The following MYO18A variants were observed in gnomAD, a reference collection of about 807,000 sequenced individuals.
MYO18A encodes the protein myosin XVIIIA.
Under a neutral mutation model 235.8 loss-of-function variants are expected in MYO18A, and 78 were observed. The observed-to-expected ratio is 0.33, with a 90% confidence interval of 0.28 to 0.40. The LOEUF is 0.40. MYO18A is among the 10% of genes least tolerant of loss of function. The pLI is 1.00. For synonymous variants in MYO18A, 977 were observed against 1,077.8 expected (o/e 0.91, Z 1.83); for missense variants, 2,215 against 2,699.3 (o/e 0.82, Z 3.98).
Position 29,106,108 on chromosome 17 carries a change from C to G in MYO18A, c.3441+972G>C, listed in dbSNP as rs947322471. The stretch of plus-strand genomic sequence containing the variant: ...GAGGGGAAGAGAGGAGTGGGACCAG[C>G]AGGCACGAGGCTGTGGTCAGAGAAG... On this transcript the variant is annotated intron_variant, in intron 20 of 41. Transcript: ENST00000527372. The surrounding 1 kb of genome is among the most constrained non-coding windows in gnomAD (Gnocchi z 4.6). Among the ~76,000 whole-genome samples the G allele has an allele frequency of 7.9e-5, 12 of 152,182 alleles. No individual in the cohort carries two copies. The highest frequency in any genetic ancestry group is 2.4e-4 in the African/African-American group (10 of 41,438).
intron 41 of MYO18A, chr17:29,080,022 G>A (rs988670244): frequency 3.0e-6 from 3 of 985,666 alleles, no homozygotes; most frequent in Non-Finnish European, 3.6e-6. Flanking sequence ...CTTCGGAGCC[G>A]GAGCTGGAGC....
chr17:29,147,346 A>G (rs925649009), intron 2 of MYO18A, among the ~76,000 whole-genome samples: 7 of 150,942 alleles, frequency 4.6e-5, no homozygotes, highest in Admixed American at 1.3e-4. Context: ...GCAAAATCCC[A>G]TCTCTACAAA....
chr17:29,095,005 C>T lies in MYO18A; in HGVS notation c.4440G>A (p.Gln1480=), dbSNP rs756700488. 4 of 1,584,730 alleles carry T rather than the reference C, an allele frequency of 2.5e-6. No individual in the cohort carries two copies. The highest frequency in any genetic ancestry group is 2.6e-6 in the Non-Finnish European group (3 of 1,164,422). The change falls in exon 29 of 42, where the codon CAG becomes CAA. Residue 1480 remains glutamine (Q), a synonymous_variant. Transcript: ENST00000527372. The part of the protein sequence containing the change: ...AHEEAQREKL[Q]REKLQREKDM... Reference sequence around the variant, plus strand: ...CCTTCTCCCGCTGCAGCTTCTCCCGCTGCAGCTTCTCCCGCTGGGCCTCCT... The same window carrying T: ...CCTTCTCCCGCTGCAGCTTCTCCCGTTGCAGCTTCTCCCGCTGGGCCTCCT...
At chr17:29,136,184 G>A (rs569373854) in intron 2 of MYO18A, among the ~76,000 whole-genome samples, 69 of 145,304 alleles carry the variant, frequency 4.7e-4, no homozygotes, top group Non-Finnish European at 8.3e-4. Flanking sequence ...AGCAGAGATC[G>A]CAATACTGCA....
chr17:29,102,725 G>C (rs2066684957), intron 21 of MYO18A, among the ~76,000 whole-genome samples: 1 of 152,188 alleles, frequency 6.6e-6, no homozygotes, highest in Non-Finnish European at 1.5e-5. Flanking sequence ...AGAGACGAAG[G>C]GCAGGAGGAG....
intron 2 of MYO18A, among the ~76,000 whole-genome samples, chr17:29,157,062 A>G (rs1287128124): frequency 6.6e-6 from 1 of 152,226 alleles, no homozygotes; most frequent in Non-Finnish European, 1.5e-5. Flanking sequence ...TGTCACCCCA[A>G]GTGCTATGGA....
In MYO18A at chr17:29,094,108, A is replaced by T; in HGVS notation, c.4711-18T>A. 1 of 1,580,576 alleles carries T rather than the reference A, an allele frequency of 6.3e-7. No homozygotes were observed. Among genetic ancestry groups the T allele is most frequent in the Non-Finnish European group, 8.6e-7 (1 of 1,161,196 alleles). On this transcript the variant is annotated intron_variant, in intron 30 of 41. Transcript: ENST00000527372. ...AGCTTGGCCTGGAGGTGGTTGGAGT[A>T]GGGTCTGGGTTCCCTCCCCAGCTGT...
rs569353616 is a variant in MYO18A at position 29,071,966 on chromosome 17, A to G, written c.*2804T>C. 154 of 152,302 alleles carry G rather than the reference A, an allele frequency of 1.0e-3. No individual in the cohort carries two copies. The highest frequency in any genetic ancestry group is 3.5e-3 in the African/African-American group (145 of 41,548). The allele number at this position is 152,302 out of a possible 1,614,324, so 9.4% of individuals were successfully genotyped here. ...TATTTCTCAACTGTTAAGCAAATGA[A>G]TATGTTTTCTGACTTGAACAAAGCT... On this transcript the variant is annotated 3_prime_UTR_variant, in exon 42 of 42. Coordinates refer to ENST00000527372, the MANE Select transcript of MYO18A (RefSeq NM_078471.4).
intron 11 of MYO18A, 135 bp downstream of exon 11, chr17:29,116,309 C>A: frequency 1.0e-6 from 1 of 961,910 alleles, no homozygotes; most frequent in Non-Finnish European, 1.7e-6. Context: ...ACCACAAACA[C>A]CCACTGATGG....
At chr17:29,152,983 G>T (rs1289956509) in intron 2 of MYO18A, among the ~76,000 whole-genome samples, 1 of 152,126 alleles carries the variant, frequency 6.6e-6, no homozygotes, top group Non-Finnish European at 1.5e-5. Flanking sequence ...CCAAAGCACT[G>T]GGATTACAGG....
At chr17:29,164,022 T>A (rs895661246) in intron 2 of MYO18A, among the ~76,000 whole-genome samples, 1 of 152,250 alleles carries the variant, frequency 6.6e-6, no homozygotes. Context: ...CCTGAGTAGC[T>A]GGGATTACAG....
chr17:29,083,522 G>GCACACACACACACACACACACA lies in MYO18A; in HGVS notation c.5898-1085_5898-1084insTGTGTGTGTGTGTGTGTGTGTG, dbSNP rs1555622320. On this transcript the variant is annotated intron_variant, in intron 40 of 41. Transcript: ENST00000527372. ...AATAAACAGCCACACAGGCATGTGT[G>GCACACACACACACACACACACA]CGCGCGCGCGCACACACACACACAC... 6.8e-4 allele frequency among the ~76,000 whole-genome samples: 85 copies of GCACACACACACACACACACACA among 125,010 alleles called. 1 individual carries two copies. Among genetic ancestry groups the GCACACACACACACACACACACA allele is most frequent in the East Asian group, 4.5e-3 (19 of 4,178 alleles). 82.0% of individuals were successfully genotyped at this position (125,010 alleles called of 152,430 possible).
Position 29,111,896 on chromosome 17 carries a change from T to G in MYO18A, c.2599-33A>C. The G allele has an allele frequency of 1.9e-6, 3 of 1,594,260 alleles. No homozygotes were observed. Among genetic ancestry groups the G allele is most frequent in the Non-Finnish European group, 2.6e-6 (3 of 1,169,638 alleles). On this transcript the variant is annotated intron_variant, in intron 15 of 41. Coordinates refer to ENST00000527372, the MANE Select transcript of MYO18A (RefSeq NM_078471.4). The surrounding 1 kb of genome is among the most constrained non-coding windows in gnomAD (Gnocchi z 5.1). Reference sequence around the variant, plus strand: ...GAAGGAAGGAAATCCCTCCTTGTCATATGGAGCTGTGGGAAAGGGGCCAGG... The same window carrying G: ...GAAGGAAGGAAATCCCTCCTTGTCAGATGGAGCTGTGGGAAAGGGGCCAGG...
Position 29,166,489 on chromosome 17 carries a change from G to A in MYO18A, c.452C>T (p.Ser151Leu), listed in dbSNP as rs1284721523. 6.2e-7 allele frequency: 1 copy of A among 1,613,660 alleles called. No homozygotes were observed. The highest frequency in any genetic ancestry group is 8.5e-7 in the Non-Finnish European group (1 of 1,179,830). Reference sequence around the variant, plus strand: ...GTGCTCTGAGGGCGTCGAGGTTTCTGAGGCGCTCTCATCCCGGCTACGCTG... The same window carrying A: ...GTGCTCTGAGGGCGTCGAGGTTTCTAAGGCGCTCTCATCCCGGCTACGCTG... The part of the protein sequence containing the change: ...FSQRSRDESA[S>L]ETSTPSEHSA... Residue 151 changes from serine (S) to leucine (L), a missense_variant, in exon 2 of 42, where the codon TCA (serine) becomes TTA (leucine). By Grantham distance (145) the Ser-to-Leu change is moderately radical. Coordinates refer to ENST00000527372, the MANE Select transcript of MYO18A (RefSeq NM_078471.4).
In MYO18A at chr17:29,118,151, C is replaced by G; in HGVS notation, c.1932G>C (p.Lys644Asn). ...CCAGCACCTTCATGGCCGCCTGCAG[C>G]TTACTAAACTGCTGAGCTGCCTTCT... is the stretch of plus-strand genomic sequence containing the variant. The part of the protein sequence containing the change: ...EKQKAAQQFS[K>N]LQAAMKVLGI... Residue 644 changes from lysine to asparagine, a missense_variant, in exon 10 of 42, where the codon AAG (lysine) becomes AAC (asparagine). Transcript: ENST00000527372. This position sits in a 1 kb window ranked among gnomAD's most constrained non-coding sequence, Gnocchi z 4.2. 1 of 1,598,424 alleles carries G rather than the reference C, an allele frequency of 6.3e-7. No individual in the cohort carries two copies. Among genetic ancestry groups the G allele is most frequent in the East Asian group, 2.3e-5 (1 of 44,338 alleles).
In MYO18A at chr17:29,092,964, C is replaced by T. The variant is rs371657536; in HGVS notation, c.4964G>A (p.Arg1655Gln). 35 of 1,613,610 alleles carry T rather than the reference C, an allele frequency of 2.2e-5. No homozygotes were observed. Among genetic ancestry groups the T allele is most frequent in the African/African-American group, 1.1e-4 (8 of 74,906 alleles). Residue 1655 changes from arginine to glutamine, a missense_variant, in exon 33 of 42, where the codon CGG becomes CAG. Transcript: ENST00000527372. Reference protein sequence around the residue: ...RRDFESEKRLRKDLKRTKALL... With the variant: ...RRDFESEKRLQKDLKRTKALL... ...GGCCTTGGTGCGCTTCAGGTCCTTC[C>T]GCAGCCGCTTCTCTGACTCAAAGTC...
At chr17:29,104,834 C>T (rs908403635) in intron 20 of MYO18A, among the ~76,000 whole-genome samples, 5 of 151,976 alleles carry the variant, frequency 3.3e-5, no homozygotes, top group African/African-American at 1.2e-4. Context: ...GAGAATGTCC[C>T]AGAAAGAACG....
At chr17:29,097,552 T>C (rs144710443) in intron 26 of MYO18A, among the ~76,000 whole-genome samples, 36 of 152,364 alleles carry the variant, frequency 2.4e-4, no homozygotes, top group Non-Finnish European at 4.3e-4. Flanking sequence ...CTACATGTGC[T>C]GTGCCCCCCA....
chr17:29,135,860 T>C (rs1305485662), intron 2 of MYO18A, among the ~76,000 whole-genome samples: 3 of 152,250 alleles, frequency 2.0e-5, no homozygotes, highest in African/African-American at 7.2e-5. Context: ...GGATAAATGC[T>C]TGAGGGGGTA....
Sources: allele counts gnomAD v4.1 joint callset (sites outside exome capture counted in the v4.1 genomes callset), GRCh38; gene constraint gnomAD v4.1.1; non-coding constraint Gnocchi (gnomAD v3.1); transcripts MANE v1.5; gene names NCBI Gene and HGNC (gene_info 2026-07-23, HGNC 2026-07-21).